CTXN1: variants seen among roughly 807,000 people sequenced by gnomAD.
CTXN1 encodes the protein cortexin-1.
In CTXN1, 4 loss-of-function variants were observed where a neutral mutation model predicts 5.5. The observed-to-expected ratio is 0.73, with a 90% CI of 0.36 to 1.68. The LOEUF is 1.68. Ranked by LOEUF, CTXN1 falls within the 40% of genes most tolerant of loss-of-function variation. The pLI is 0.05. For missense variants in CTXN1, 111 were observed against 123.0 expected, an observed-to-expected ratio of 0.90 and a Z score of 0.46; for synonymous variants, 67 against 62.8, an observed-to-expected ratio of 1.07 and a Z score of -0.32.
At position 7,925,156 on chromosome 19, in the gene CTXN1, A is replaced by G; in HGVS notation, c.*134T>C. ...GAGGGGGAGGGGCTGGGCTTCTCCC[A>G]ACTCCCTCCCCCTCTCCCCCGGGCT... On this transcript the variant is annotated 3_prime_UTR_variant, in exon 2 of 2. Coordinates refer to ENST00000318978, the MANE Select transcript of CTXN1 (RefSeq NM_206833.4). The surrounding 1 kb of genome is among the most constrained non-coding windows in gnomAD (Gnocchi z 5.0). The G allele has an allele frequency of 1.6e-6, 1 of 631,486 alleles. No homozygotes were observed. The highest frequency in any genetic ancestry group is 2.3e-6 in the Non-Finnish European group (1 of 439,914). 39.1% of individuals were successfully genotyped at this position (631,486 alleles called of 1,614,324 possible).
At position 7,925,437 on chromosome 19, in the gene CTXN1, G is replaced by C. The variant is rs1176568208; in HGVS notation, c.102C>G (p.Phe34Leu). 7 of 1,586,192 alleles carry C rather than the reference G, an allele frequency of 4.4e-6. No homozygotes were observed. Among genetic ancestry groups the C allele is most frequent in the African/African-American group, 4.1e-5 (3 of 72,548 alleles). ...CCAGCACCACGAGCAGGCAGAGCAC[G>C]AAGGCGAACACCGTGCGCTGCTCCG... ...LDAEQRTVFA[F>L]VLCLLVVLVL... The change falls in exon 2 of 2, where the codon TTC becomes TTG. Residue 34 changes from phenylalanine (F) to leucine (L), a missense_variant. Physicochemically the swap from Phe to Leu is conservative, Grantham distance 22. Transcript: ENST00000318978. The surrounding 1 kb of genome is among the most constrained non-coding windows in gnomAD (Gnocchi z 5.0).
At position 7,926,120 on chromosome 19, in the gene CTXN1, G is replaced by C. The variant is rs868189835; in HGVS notation, c.-174C>G. Reference sequence around the variant, plus strand: ...ACCCGCCCCTGGAGCGGCGGAGACCGAGGCAGGCAAGCAGCGCGCGAGCCG... The same window carrying C: ...ACCCGCCCCTGGAGCGGCGGAGACCCAGGCAGGCAAGCAGCGCGCGAGCCG... On this transcript the variant is annotated 5_prime_UTR_variant, in exon 1 of 2. Transcript: ENST00000318978. 571 of 139,398 alleles carry C rather than the reference G, an allele frequency of 4.1e-3. 5 individuals carry two copies. Among genetic ancestry groups the C allele is most frequent in the African/African-American group, 0.014 (539 of 39,340 alleles). The allele number at this position is 139,398 out of a possible 1,614,324, so 8.6% of individuals were successfully genotyped here. A position where few individuals can be genotyped will look rare whatever the true frequency, so the allele number is the denominator to read the frequency against.
In CTXN1 at chr19:7,925,216, G is replaced by C; in HGVS notation, c.*74C>G. The C allele has an allele frequency of 8.5e-7, 1 of 1,169,702 alleles. No homozygotes were observed. Among genetic ancestry groups the C allele is most frequent in the Admixed American group, 4.3e-5 (1 of 23,328 alleles). The allele number at this position is 1,169,702 out of a possible 1,614,324, so 72.5% of individuals were successfully genotyped here. A position where few individuals can be genotyped will look rare whatever the true frequency, so the allele number is the denominator to read the frequency against. On this transcript the variant is annotated 3_prime_UTR_variant, in exon 2 of 2. Coordinates refer to ENST00000318978, the MANE Select transcript of CTXN1 (RefSeq NM_206833.4). The surrounding 1 kb of genome is among the most constrained non-coding windows in gnomAD (Gnocchi z 5.0). Reference sequence around the variant, plus strand: ...GGGGCGGGATCCTGAGCGCAGTCCTGGCCCCGCGGCGCCCCCCGCCGGGCC... The same window carrying C: ...GGGGCGGGATCCTGAGCGCAGTCCTCGCCCCGCGGCGCCCCCCGCCGGGCC...
Position 7,925,115 on chromosome 19 carries a change from A to C in CTXN1, c.*175T>G. On this transcript the variant is annotated 3_prime_UTR_variant, in exon 2 of 2. Coordinates refer to ENST00000318978, the MANE Select transcript of CTXN1 (RefSeq NM_206833.4). This position sits in a 1 kb window ranked among gnomAD's most constrained non-coding sequence, Gnocchi z 5.0. ...GGGGCTCCGGCCAGGCCAGGAAGGG[A>C]CATGGGAGGGGTCTCGAGGGGGAGG... The C allele has an allele frequency of 2.5e-6, 1 of 408,056 alleles. No homozygotes were observed. Among genetic ancestry groups the C allele is most frequent in the Non-Finnish European group, 4.2e-6 (1 of 240,520 alleles). The allele number at this position is 408,056 out of a possible 1,614,324, so 25.3% of individuals were successfully genotyped here.
Position 7,925,013 on chromosome 19 carries a change from CAG to C in CTXN1, c.*275_*276del. 2 of 301,982 alleles carry C rather than the reference CAG, an allele frequency of 6.6e-6. No homozygotes were observed. Among genetic ancestry groups the C allele is most frequent in the Middle Eastern group, 9.0e-4 (1 of 1,114 alleles). 18.7% of individuals were successfully genotyped at this position (301,982 alleles called of 1,614,324 possible). ...GGGGGTCCTCCTCCCGCCCGGGATT[CAG>C]AGTCGGGGGTGGGGGCCAGCCGGGC... On this transcript the variant is annotated 3_prime_UTR_variant, in exon 2 of 2. Transcript: ENST00000318978. The surrounding 1 kb of genome is among the most constrained non-coding windows in gnomAD (Gnocchi z 5.0).
rs1489596593 is a variant in CTXN1, at chr19:7,926,003, G to A, written c.-57C>T. ...CCCGGACGGGGACCGACCGCCCGGC[G>A]GCCGCGCTCTCTCAGGGACCCGCGC... On this transcript the variant is annotated 5_prime_UTR_variant, in exon 1 of 2. Transcript: ENST00000318978. 6.7e-6 allele frequency: 1 copy of A among 149,970 alleles called. No individual in the cohort carries two copies. The highest frequency in any genetic ancestry group is 1.5e-5 in the Non-Finnish European group (1 of 66,958). The allele number at this position is 149,970 out of a possible 1,614,324, so 9.3% of individuals were successfully genotyped here. A position where few individuals can be genotyped will look rare whatever the true frequency, so the allele number is the denominator to read the frequency against.
In CTXN1 at chr19:7,925,386, G is replaced by A; in HGVS notation, c.153C>T (p.Arg51=). 1 of 1,585,362 alleles carries A rather than the reference G, an allele frequency of 6.3e-7. No individual in the cohort carries two copies. Among genetic ancestry groups the A allele is most frequent in the Non-Finnish European group, 8.5e-7 (1 of 1,170,954 alleles). The change falls in exon 2 of 2, where the codon CGC becomes CGT. Residue 51 remains arginine, a synonymous_variant. Transcript: ENST00000318978. This position sits in a 1 kb window ranked among gnomAD's most constrained non-coding sequence, Gnocchi z 5.0. ...TGCGGCTGTAGGGGTCGAGCAGGAT[G>A]CGCACGCAGCGCACCATCAACAGCA... ...VLVLLMVRCV[R]ILLDPYSRMP... is the part of the protein sequence containing the mutation.
chr19:7,925,295 C>T lies in CTXN1; in HGVS notation c.244G>A (p.Val82Met). ...LERGQFDYALV is the reference protein window; with the variant it reads ...LERGQFDYALM The stretch of plus-strand genomic sequence containing the variant: ...GCTAGGGGGCGCCGCGCCCCTCACA[C>T]CAACGCGTAGTCGAACTGCCCGCGC... Residue 82 changes from valine (V) to methionine (M), a missense_variant, in exon 2 of 2, where the codon GTG becomes ATG. Coordinates refer to ENST00000318978, the MANE Select transcript of CTXN1 (RefSeq NM_206833.4). The surrounding 1 kb of genome is among the most constrained non-coding windows in gnomAD (Gnocchi z 5.0). 1 of 1,453,504 alleles carries T rather than the reference C, an allele frequency of 6.9e-7. No homozygotes were observed. The highest frequency in any genetic ancestry group is 9.1e-7 in the Non-Finnish European group (1 of 1,100,112). 90.0% of individuals were successfully genotyped at this position (1,453,504 alleles called of 1,614,324 possible).
In CTXN1 at chr19:7,926,062, G is replaced by A. The variant is rs1983777671; in HGVS notation, c.-116C>T. On this transcript the variant is annotated 5_prime_UTR_variant, in exon 1 of 2. Coordinates refer to ENST00000318978, the MANE Select transcript of CTXN1 (RefSeq NM_206833.4). The stretch of plus-strand genomic sequence containing the variant: ...CGTTCGGCCTCTCCCCGGCGGCGGC[G>A]GCGGCGGCCCGGGCTCCGGCTCAGC... The A allele has an allele frequency of 6.7e-6, 1 of 149,586 alleles. No individual in the cohort carries two copies. Among genetic ancestry groups the A allele is most frequent in the East Asian group, 2.0e-4 (1 of 5,126 alleles). The allele number at this position is 149,586 out of a possible 1,614,324, so 9.3% of individuals were successfully genotyped here.
In CTXN1 at chr19:7,925,577, GC is replaced by G. The variant is rs1983759424; in HGVS notation, c.-20-20del. 7.6e-7 allele frequency: 1 copy of G among 1,323,522 alleles called. No individual in the cohort carries two copies. Among genetic ancestry groups the G allele is most frequent in the East Asian group, 3.1e-5 (1 of 31,896 alleles). 82.0% of individuals were successfully genotyped at this position (1,323,522 alleles called of 1,614,324 possible). On this transcript the variant is annotated intron_variant, in intron 1 of 1. Transcript: ENST00000318978. This position sits in a 1 kb window ranked among gnomAD's most constrained non-coding sequence, Gnocchi z 5.0. ...GCGCGCCCTGCGGAGGAGGGGACCC[GC>G]CCCGGGCGCCGGGGATGAGGCTGCG... is the stretch of plus-strand genomic sequence containing the variant.
At position 7,924,908 on chromosome 19, in the gene CTXN1, A is replaced by G; in HGVS notation, c.*382T>C. 6.1e-6 allele frequency: 1 copy of G among 162,946 alleles called. No individual in the cohort carries two copies. Among genetic ancestry groups the G allele is most frequent in the African/African-American group, 2.4e-5 (1 of 41,810 alleles). 10.1% of individuals were successfully genotyped at this position (162,946 alleles called of 1,614,324 possible). ...GTTGACGACGGCCAGACAACAGGGG[A>G]GGGAGGAGGGACAAGGGGGTCCCCA... On this transcript the variant is annotated 3_prime_UTR_variant, in exon 2 of 2. Transcript: ENST00000318978.
chr19:7,925,382 G>A lies in CTXN1; in HGVS notation c.157C>T (p.Leu53=). ...GGCATGCGGCTGTAGGGGTCGAGCAGGATGCGCACGCAGCGCACCATCAAC... is the reference window on the plus strand; with the variant it reads ...GGCATGCGGCTGTAGGGGTCGAGCAAGATGCGCACGCAGCGCACCATCAAC... The part of the protein sequence containing the change: ...VLLMVRCVRI[L]LDPYSRMPAS... Residue 53 remains leucine, a synonymous_variant, in exon 2 of 2, where the codon CTG becomes TTG. Transcript: ENST00000318978. This position sits in a 1 kb window ranked among gnomAD's most constrained non-coding sequence, Gnocchi z 5.0. The A allele has an allele frequency of 1.9e-6, 3 of 1,584,926 alleles. No homozygotes were observed. Among genetic ancestry groups the A allele is most frequent in the South Asian group, 1.1e-5 (1 of 88,344 alleles).
Position 7,925,528 on chromosome 19 carries a change from G to A in CTXN1, c.11C>T (p.Thr4Met). Residue 4 changes from threonine to methionine, a missense_variant, in exon 2 of 2, where the codon ACG becomes ATG. Coordinates refer to ENST00000318978, the MANE Select transcript of CTXN1 (RefSeq NM_206833.4). The surrounding 1 kb of genome is among the most constrained non-coding windows in gnomAD (Gnocchi z 5.0). MSA[T>M]WTLSPEPLPP... is the part of the protein sequence containing the mutation. ...CAGGGGCTCCGGCGACAGCGTCCACGTCGCGCTCATGGCTCACATCGCCGC... is the reference window on the plus strand; with the variant it reads ...CAGGGGCTCCGGCGACAGCGTCCACATCGCGCTCATGGCTCACATCGCCGC... The A allele has an allele frequency of 1.4e-6, 2 of 1,458,378 alleles. No individual in the cohort carries two copies. The highest frequency in any genetic ancestry group is 1.8e-6 in the Non-Finnish European group (2 of 1,109,336). 90.3% of individuals were successfully genotyped at this position (1,458,378 alleles called of 1,614,324 possible). A position where few individuals can be genotyped will look rare whatever the true frequency, so the allele number is the denominator to read the frequency against.
At position 7,925,018 on chromosome 19, in the gene CTXN1, T is replaced by C. The variant is rs548483820; in HGVS notation, c.*272A>G. 1 of 296,974 alleles carries C rather than the reference T, an allele frequency of 3.4e-6. No individual in the cohort carries two copies. Among genetic ancestry groups the C allele is most frequent in the African/African-American group, 2.3e-5 (1 of 43,692 alleles). 18.4% of individuals were successfully genotyped at this position (296,974 alleles called of 1,614,324 possible). A position where few individuals can be genotyped will look rare whatever the true frequency, so the allele number is the denominator to read the frequency against. On this transcript the variant is annotated 3_prime_UTR_variant, in exon 2 of 2. Transcript: ENST00000318978. This position sits in a 1 kb window ranked among gnomAD's most constrained non-coding sequence, Gnocchi z 5.0. ...TCCTCCTCCCGCCCGGGATTCAGAG[T>C]CGGGGGTGGGGGCCAGCCGGGCGGG...
Position 7,925,636 on chromosome 19 carries a change from C to T in CTXN1, c.-20-78G>A. ...TCCCGCGCCTCCTCCGCTTCGCCCCCTCCTGCCGCCGCCGCCGCCGCCTCC... is the reference window on the plus strand; with the variant it reads ...TCCCGCGCCTCCTCCGCTTCGCCCCTTCCTGCCGCCGCCGCCGCCGCCTCC... On this transcript the variant is annotated intron_variant, in intron 1 of 1. Transcript: ENST00000318978. This position sits in a 1 kb window ranked among gnomAD's most constrained non-coding sequence, Gnocchi z 5.0. The T allele has an allele frequency of 8.4e-7, 1 of 1,195,038 alleles. No individual in the cohort carries two copies. Among genetic ancestry groups the T allele is most frequent in the Non-Finnish European group, 1.1e-6 (1 of 945,250 alleles). 74.0% of individuals were successfully genotyped at this position (1,195,038 alleles called of 1,614,324 possible).
rs765435584 is a variant in CTXN1 at position 7,925,447 on chromosome 19, A to G, written c.92T>C (p.Val31Ala). 1.3e-6 allele frequency: 2 copies of G among 1,579,146 alleles called. No individual in the cohort carries two copies. The highest frequency in any genetic ancestry group is 2.4e-5 in the East Asian group (1 of 41,878). ...GAGCAGGCAGAGCACGAAGGCGAACACCGTGCGCTGCTCCGCGTCCAGGCC... is the reference window on the plus strand; with the variant it reads ...GAGCAGGCAGAGCACGAAGGCGAACGCCGTGCGCTGCTCCGCGTCCAGGCC... Reference protein sequence around the residue: ...GAGLDAEQRTVFAFVLCLLVV... With the variant: ...GAGLDAEQRTAFAFVLCLLVV... Residue 31 changes from valine (V) to alanine (A), a missense_variant, in exon 2 of 2, where the codon GTG (valine) becomes GCG (alanine). Transcript: ENST00000318978. The surrounding 1 kb of genome is among the most constrained non-coding windows in gnomAD (Gnocchi z 5.0).
In CTXN1 at chr19:7,924,513, C is replaced by G. The variant is rs1476907952; in HGVS notation, c.*777G>C. 1.3e-5 allele frequency: 2 copies of G among 152,022 alleles called. No homozygotes were observed. The highest frequency in any genetic ancestry group is 4.8e-5 in the African/African-American group (2 of 41,306). 9.4% of individuals were successfully genotyped at this position (152,022 alleles called of 1,614,324 possible). A position where few individuals can be genotyped will look rare whatever the true frequency, so the allele number is the denominator to read the frequency against. On this transcript the variant is annotated 3_prime_UTR_variant, in exon 2 of 2. Transcript: ENST00000318978. The stretch of plus-strand genomic sequence containing the variant: ...GCATGCAGTAAGCGCTCAATAATAG[C>G]TTTTATTATCATGTTCGGCTCAGAG...
chr19:7,925,746 C>T lies in CTXN1; in HGVS notation c.-20-188G>A, dbSNP rs1983765133. ...CGGCCCGCCGGATCGCCGCCACCAC[C>T]ACGCGGGGACCCAACTCTGGCCGTG... On this transcript the variant is annotated intron_variant, in intron 1 of 1. Coordinates refer to ENST00000318978, the MANE Select transcript of CTXN1 (RefSeq NM_206833.4). The surrounding 1 kb of genome is among the most constrained non-coding windows in gnomAD (Gnocchi z 5.0). 6.6e-6 allele frequency among the ~76,000 whole-genome samples: 1 copy of T among 151,530 alleles called. No individual in the cohort carries two copies. The highest frequency in any genetic ancestry group is 2.1e-4 in the South Asian group (1 of 4,836).
chr19:7,925,622 C>G lies in CTXN1; in HGVS notation c.-20-64G>C. 2 of 1,249,752 alleles carry G rather than the reference C, an allele frequency of 1.6e-6. No homozygotes were observed. The highest frequency in any genetic ancestry group is 2.0e-6 in the Non-Finnish European group (2 of 990,834). The allele number at this position is 1,249,752 out of a possible 1,614,324, so 77.4% of individuals were successfully genotyped here. A position where few individuals can be genotyped will look rare whatever the true frequency, so the allele number is the denominator to read the frequency against. On this transcript the variant is annotated intron_variant, in intron 1 of 1. Coordinates refer to ENST00000318978, the MANE Select transcript of CTXN1 (RefSeq NM_206833.4). This position sits in a 1 kb window ranked among gnomAD's most constrained non-coding sequence, Gnocchi z 5.0. ...GGCTGCGCCCTCCCTCCCGCGCCTC[C>G]TCCGCTTCGCCCCCTCCTGCCGCCG... is the stretch of plus-strand genomic sequence containing the variant.
Sources: gnomAD v4.1 joint callset for allele counts (sites outside exome capture counted in the v4.1 genomes callset) on GRCh38, gnomAD v4.1.1 for gene constraint, Gnocchi (gnomAD v3.1) non-coding constraint, MANE v1.5 for transcripts, NCBI Gene and HGNC (gene_info 2026-07-23, HGNC 2026-07-21) for gene names.